Variants in MCUB observed in about 807,000 individuals in gnomAD.
The protein encoded by MCUB is mitochondrial calcium uniporter dominant negative subunit beta.
A neutral mutation model predicts 41.4 loss-of-function variants in MCUB; 46 were observed. The observed-to-expected ratio is 1.11, with a 90% CI of 0.88 to 1.42. The LOEUF is 1.42. Ranked by LOEUF, MCUB falls within the 40% of genes most tolerant of loss-of-function variation. The pLI is 0.00. For missense variants in MCUB, 403 were observed against 404.9 expected, an observed-to-expected ratio of 1.00 and a Z score of 0.04; for synonymous variants, 148 against 148.2, an observed-to-expected ratio of 1.00 and a Z score of 0.01.
rs552541879 is a variant in MCUB at position 109,585,705 on chromosome 4, T to C, written c.99+25269T>C. ...AAGGATTTTATTTTTCCTTCACTTA[T>C]GAAGCTTAGTTTGGCTGGATATGAA... On this transcript the variant is annotated intron_variant, in intron 1 of 7. Coordinates refer to ENST00000394650, the MANE Select transcript of MCUB (RefSeq NM_017918.5). 1.2e-4 allele frequency among the ~76,000 whole-genome samples: 19 copies of C among 152,352 alleles called. No homozygotes were observed. The East Asian group carries it at 2.3e-3, about 19-fold the overall frequency.
chr4:109,660,294 C>CAGT lies in MCUB; in HGVS notation c.276_278dup (p.Val93dup). 1 of 1,603,854 alleles carries CAGT rather than the reference C, an allele frequency of 6.2e-7. No individual in the cohort carries two copies. Among genetic ancestry groups the CAGT allele is most frequent in the Non-Finnish European group, 8.5e-7 (1 of 1,170,894 alleles). ...TTCGTAGTCAAACCAATGTTGTCAA[C>CAGT]AGTTGGTTCATTCCTTCAGGACCTA... On this transcript the variant is annotated inframe_insertion, in exon 3 of 8. Transcript: ENST00000394650.
chr4:109,683,133 C>T (rs1369621476), intron 5 of MCUB: 1 of 153,950 alleles, frequency 6.5e-6, no homozygotes, highest in Non-Finnish European at 1.4e-5. Flanking sequence ...CCTGCTGTGC[C>T]TAACAGAATT....
At chr4:109,602,335 G>A (rs1013028806) in intron 1 of MCUB, among the ~76,000 whole-genome samples, 1 of 152,190 alleles carries the variant, frequency 6.6e-6, no homozygotes, top group African/African-American at 2.4e-5. Flanking sequence ...TAGTAGTTTT[G>A]TAGTTTCAGG....
At chr4:109,666,458 A>G (rs1446892255) in intron 4 of MCUB, among the ~76,000 whole-genome samples, 1 of 152,166 alleles carries the variant, frequency 6.6e-6, no homozygotes, top group East Asian at 1.9e-4. Context: ...CTTGCCAGCA[A>G]TTGGTGGTAT....
chr4:109,613,115 A>G (rs1480310173), intron 1 of MCUB, among the ~76,000 whole-genome samples: 1 of 152,190 alleles, frequency 6.6e-6, no homozygotes, highest in African/African-American at 2.4e-5. Context: ...CAAAAAAGAA[A>G]AAAAAGAATA....
rs1190595133 is a variant in MCUB, at chr4:109,684,857, AAC to A, written c.816+217_816+218del. On this transcript the variant is annotated intron_variant, in intron 6 of 7. Transcript: ENST00000394650. ...ACTTCTTTGGAGAAGTAATTAGTGT[AAC>A]ACACAAATTCCTCCATTGGGATAAA... 5 of 475,996 alleles carry A rather than the reference AAC, an allele frequency of 1.1e-5. 1 individual carries two copies. Among genetic ancestry groups the A allele is most frequent in the East Asian group, 1.0e-4 (3 of 29,898 alleles). The allele number at this position is 475,996 out of a possible 1,614,324, so 29.5% of individuals were successfully genotyped here.
At chr4:109,590,621 G>C (rs931187468) in intron 1 of MCUB, among the ~76,000 whole-genome samples, 5 of 152,162 alleles carry the variant, frequency 3.3e-5, no homozygotes, top group African/African-American at 1.2e-4. Context: ...ACTTACTACT[G>C]TTAGCTGGTA....
At chr4:109,676,444 C>A (rs961384191) in intron 4 of MCUB, among the ~76,000 whole-genome samples, 1 of 152,162 alleles carries the variant, frequency 6.6e-6, no homozygotes, top group African/African-American at 2.4e-5. Flanking sequence ...GAATATCTTA[C>A]TGGAAGCTGG....
intron 6 of MCUB, 125 bp from the exon 7 acceptor site, chr4:109,685,126 G>C: frequency 1.7e-6 from 1 of 591,132 alleles, no homozygotes; most frequent in African/African-American, 1.8e-5. Context: ...CATGGCCATT[G>C]CAAATATTTC....
intron 1 of MCUB, among the ~76,000 whole-genome samples, chr4:109,583,603 A>C (rs999737579): frequency 3.9e-5 from 6 of 152,136 alleles, no homozygotes; most frequent in African/African-American, 1.2e-4. Flanking sequence ...CACTGTGTTG[A>C]ATAGGAGTGG....
intron 4 of MCUB, among the ~76,000 whole-genome samples, chr4:109,677,655 A>G: frequency 6.6e-6 from 1 of 152,122 alleles, no homozygotes; most frequent in East Asian, 1.9e-4. Flanking sequence ...ATAAAGGACA[A>G]GTTCAGCCCC....
At chr4:109,577,598 C>CTTTTTTTT (rs71594195) in intron 1 of MCUB, among the ~76,000 whole-genome samples, 4 of 48,664 alleles carry the variant, frequency 8.2e-5, no homozygotes, top group Non-Finnish European at 8.3e-5. Context: ...TACTTGAATT[C>CTTTTTTTT]TTTTTTTTTT....
intron 1 of MCUB, among the ~76,000 whole-genome samples, chr4:109,638,549 C>T (rs1397274752): frequency 1.3e-5 from 2 of 151,998 alleles, no homozygotes; most frequent in African/African-American, 4.8e-5. Flanking sequence ...GATGACTGAT[C>T]AGGATGGTGG....
At chr4:109,563,790 G>A (rs1411025154) in intron 1 of MCUB, among the ~76,000 whole-genome samples, 1 of 152,154 alleles carries the variant, frequency 6.6e-6, no homozygotes, top group African/African-American at 2.4e-5. Context: ...GTGAAACTAA[G>A]GTAGAAAACC....
rs150639892 is a variant in MCUB at position 109,630,625 on chromosome 4, A to G, written c.100-28386A>G. Among the ~76,000 whole-genome samples the G allele has an allele frequency of 4.5e-3, 690 of 152,232 alleles. 17 individuals are homozygous for G. In the South Asian group the frequency reaches 0.061, roughly 14 times the overall value. ...GATGGATTTTTTGCTCTTATTGCCC[A>G]GGCTGGAGTGCAATGGCATGATCTT... On this transcript the variant is annotated intron_variant, in intron 1 of 7. Transcript: ENST00000394650.
chr4:109,659,603 A>AT (rs1167957899), intron 2 of MCUB, among the ~76,000 whole-genome samples: 1 of 152,168 alleles, frequency 6.6e-6, no homozygotes, highest in Non-Finnish European at 1.5e-5. Context: ...AGAAAAAAAA[A>AT]CAAATAGTTT....
At chr4:109,635,414 C>T (rs1728568257) in intron 1 of MCUB, among the ~76,000 whole-genome samples, 6 of 152,216 alleles carry the variant, frequency 3.9e-5, no homozygotes, top group South Asian at 2.1e-4. Flanking sequence ...CCTTCTTACC[C>T]TTGCCCCACG....
chr4:109,664,626 A>G (rs776543345), intron 4 of MCUB, among the ~76,000 whole-genome samples: 2 of 151,992 alleles, frequency 1.3e-5, no homozygotes, highest in South Asian at 2.1e-4. Context: ...GGGTCTCCCT[A>G]TGTTGTCCAG....
At position 109,570,517 on chromosome 4, in the gene MCUB, A is replaced by G. The variant is rs897058190; in HGVS notation, c.99+10081A>G. On this transcript the variant is annotated intron_variant, in intron 1 of 7. Transcript: ENST00000394650. The stretch of plus-strand genomic sequence containing the variant: ...CTTTGGCCTCTGTCCAAACTACTCA[A>G]CTTTGCCATTGTAGTGCAAAAGCAG... 7.9e-5 allele frequency among the ~76,000 whole-genome samples: 12 copies of G among 152,340 alleles called. No homozygotes were observed. In the East Asian group the frequency reaches 1.9e-3, roughly 24 times the overall value.
Sources: allele counts gnomAD v4.1 joint callset (sites outside exome capture counted in the v4.1 genomes callset), GRCh38; gene constraint gnomAD v4.1.1; transcripts MANE v1.5; gene names NCBI Gene and HGNC (gene_info 2026-07-23, HGNC 2026-07-21).